The following FAM111B variants were observed in gnomAD, a reference collection of about 807,000 sequenced individuals.
The protein encoded by FAM111B is serine protease FAM111B.
Under a neutral mutation model 2.8 loss-of-function variants are expected in FAM111B, and 1 was observed. That is an observed-to-expected ratio of 0.36 (90% CI 0.13 to 1.70). The LOEUF (loss-of-function observed/expected upper bound fraction) is 1.70. FAM111B is among the 40% of genes most tolerant of loss of function. The pLI, the probability that FAM111B is intolerant of heterozygous loss-of-function variation, is 0.35. For missense variants in FAM111B, 882 were observed against 878.9 expected, an observed-to-expected ratio of 1.00 and a Z score of -0.04; for synonymous variants, 297 against 295.6, an observed-to-expected ratio of 1.00 and a Z score of -0.05.
chr11:59,109,753 A>G (rs370253535), intron 3 of FAM111B, 47 bp downstream of exon 3: 89 of 1,190,724 alleles, frequency 7.5e-5, no homozygotes, highest in Middle Eastern at 2.6e-4. Context: ...TAGTCTAACT[A>G]TAGTGCCATA....
intron 3 of FAM111B, among the ~76,000 whole-genome samples, chr11:59,111,126 G>C (rs756097694): frequency 3.3e-5 from 5 of 152,226 alleles, no homozygotes; most frequent in Middle Eastern, 3.4e-3. Context: ...GTGACAAATA[G>C]AGCTGCAGTA....
In FAM111B at chr11:59,127,370, AC is replaced by A. The variant is rs1216827778; in HGVS notation, c.*1069del. 1 of 152,114 alleles carries A rather than the reference AC, an allele frequency of 6.6e-6. No homozygotes were observed. The highest frequency in any genetic ancestry group is 6.6e-5 in the Admixed American group (1 of 15,260). The allele number at this position is 152,114 out of a possible 1,614,324, so 9.4% of individuals were successfully genotyped here. On this transcript the variant is annotated 3_prime_UTR_variant, in exon 4 of 4. Transcript: ENST00000343597. ...ACCTATATAACAAAACTGCACATGG[AC>A]TCTTAAACCTAAATAAAAGTTTAAA... is the stretch of plus-strand genomic sequence containing the variant.
In FAM111B at chr11:59,124,426, C is replaced by T; in HGVS notation, c.329C>T (p.Ala110Val). The T allele has an allele frequency of 4.3e-6, 7 of 1,613,528 alleles. No homozygotes were observed. Among genetic ancestry groups the T allele is most frequent in the Non-Finnish European group, 5.9e-6 (7 of 1,179,824 alleles). ...YGKPSESIYS[A>V]LSANDYFSER... ...AAACCCAGCGAGAGTATCTACTCAG[C>T]CCTGAGTGCTAATGACTATTTCAGT... Residue 110 changes from alanine (A) to valine (V), a missense_variant, in exon 4 of 4, where the codon GCC becomes GTC. Coordinates refer to ENST00000343597, the MANE Select transcript of FAM111B (RefSeq NM_198947.4).
chr11:59,112,744 A>C (rs946912624), intron 3 of FAM111B, among the ~76,000 whole-genome samples: 3 of 152,050 alleles, frequency 2.0e-5, no homozygotes, highest in Non-Finnish European at 4.4e-5. Flanking sequence ...TTTCACTATG[A>C]CTCATGATTT....
At chr11:59,114,053 A>G (rs1439806394) in intron 3 of FAM111B, among the ~76,000 whole-genome samples, 1 of 152,230 alleles carries the variant, frequency 6.6e-6, no homozygotes, top group Non-Finnish European at 1.5e-5. Flanking sequence ...TCAAGAACAT[A>G]CAAAGGTAAC....
intron 2 of FAM111B, among the ~76,000 whole-genome samples, chr11:59,109,197 T>G (rs1395355572): frequency 6.6e-6 from 1 of 152,202 alleles, no homozygotes; most frequent in East Asian, 1.9e-4. Flanking sequence ...TTCGTTCCAC[T>G]CATGCATTGA....
chr11:59,108,115 A>G (rs1379284690), intron 1 of FAM111B, among the ~76,000 whole-genome samples: 1 of 152,188 alleles, frequency 6.6e-6, no homozygotes, highest in Non-Finnish European at 1.5e-5. Flanking sequence ...CGACATACTG[A>G]ATCAGAGTCT....
intron 3 of FAM111B, among the ~76,000 whole-genome samples, chr11:59,123,788 G>A (rs1458760202): frequency 6.6e-6 from 1 of 152,116 alleles, no homozygotes; most frequent in Non-Finnish European, 1.5e-5. Flanking sequence ...AAATAATAGA[G>A]GGCTGTTTCT....
chr11:59,126,433 A>G lies in FAM111B; in HGVS notation c.*131A>G. The G allele has an allele frequency of 4.5e-6, 3 of 668,966 alleles. No individual in the cohort carries two copies. Among genetic ancestry groups the G allele is most frequent in the Non-Finnish European group, 7.1e-6 (3 of 424,134 alleles). The allele number at this position is 668,966 out of a possible 1,614,324, so 41.4% of individuals were successfully genotyped here. ...ACCTAATTAAATCTTCTGCACAGCA[A>G]AAGAAACTATCAACAGGGTAAACAC... On this transcript the variant is annotated 3_prime_UTR_variant, in exon 4 of 4. Transcript: ENST00000343597.
chr11:59,118,112 C>T (rs1212321458), intron 3 of FAM111B, among the ~76,000 whole-genome samples: 1 of 152,210 alleles, frequency 6.6e-6, no homozygotes, highest in Non-Finnish European at 1.5e-5. Flanking sequence ...GAGGTACTTT[C>T]CATGTTTCAT....
At chr11:59,115,669 A>G (rs1859827678) in intron 3 of FAM111B, among the ~76,000 whole-genome samples, 1 of 152,144 alleles carries the variant, frequency 6.6e-6, no homozygotes, top group African/African-American at 2.4e-5. Flanking sequence ...TGTTGGGTGG[A>G]GTGTAGAGTG....
chr11:59,120,590 G>T (rs1194252305), intron 3 of FAM111B, among the ~76,000 whole-genome samples: 1 of 152,202 alleles, frequency 6.6e-6, no homozygotes, highest in African/African-American at 2.4e-5. Flanking sequence ...TTTGTGACCT[G>T]TTAGGGCTGT....
chr11:59,109,851 C>G (rs2135394839), intron 3 of FAM111B, 145 bp downstream of exon 3: 2 of 448,024 alleles, frequency 4.5e-6, no homozygotes, highest in East Asian at 6.8e-5. Flanking sequence ...AGCTCATACA[C>G]ATAAGTGCTT....
rs1859776440 is a variant in FAM111B, at chr11:59,112,528, G to A, written c.81+2822G>A. On this transcript the variant is annotated intron_variant, in intron 3 of 3. Coordinates refer to ENST00000343597, the MANE Select transcript of FAM111B (RefSeq NM_198947.4). The stretch of plus-strand genomic sequence containing the variant: ...ATTTCTCTTGGGTTCACCTAGCAGT[G>A]GAATTGCTGTCATGGAAAGTGTATG... Among the ~76,000 whole-genome samples, 3 of 152,254 alleles carry A rather than the reference G, an allele frequency of 2.0e-5. No individual in the cohort carries two copies. In the South Asian group the frequency reaches 6.2e-4, roughly 32 times the overall value.
At chr11:59,118,408 C>T (rs11229821) in intron 3 of FAM111B, among the ~76,000 whole-genome samples, 8,270 of 152,268 alleles carry the variant, frequency 0.054, 565 homozygotes, top group East Asian at 0.2. Flanking sequence ...GTGGGGAAGG[C>T]AGCCAGGTCT....
chr11:59,115,375 C>T (rs974700428), intron 3 of FAM111B, among the ~76,000 whole-genome samples: 1 of 152,184 alleles, frequency 6.6e-6, no homozygotes, highest in Admixed American at 6.5e-5. Context: ...CAGGTCCCAC[C>T]CTGTCATCCA....
intron 3 of FAM111B, among the ~76,000 whole-genome samples, chr11:59,115,938 G>C (rs1859834259): frequency 6.6e-6 from 1 of 152,178 alleles, no homozygotes; most frequent in South Asian, 2.1e-4. Flanking sequence ...AGCGGGTGTG[G>C]AAAAATGCAT....
At chr11:59,116,110 G>C (rs754282204) in intron 3 of FAM111B, among the ~76,000 whole-genome samples, 1 of 152,088 alleles carries the variant, frequency 6.6e-6, no homozygotes, top group Non-Finnish European at 1.5e-5. Context: ...CCAAGGCCTC[G>C]AGACTGAGAA....
intron 3 of FAM111B, among the ~76,000 whole-genome samples, chr11:59,117,377 C>T (rs368179885): frequency 2.3e-4 from 35 of 152,256 alleles, no homozygotes; most frequent in African/African-American, 5.1e-4. Context: ...ACATTTGTTT[C>T]GCACATTTGC....
Sources: allele counts gnomAD v4.1 joint callset (sites outside exome capture counted in the v4.1 genomes callset), GRCh38; gene constraint gnomAD v4.1.1; transcripts MANE v1.5; gene names NCBI Gene and HGNC (gene_info 2026-07-23, HGNC 2026-07-21).